DGKB: variants seen among roughly 807,000 people sequenced by gnomAD.
The protein encoded by DGKB is diacylglycerol kinase beta.
Under a neutral mutation model 114.3 loss-of-function variants are expected in DGKB, and 67 were observed. The ratio of observed to expected loss-of-function variants is 0.59; its 90% confidence interval spans 0.48 to 0.72. The LOEUF is 0.72. DGKB is among the 30% of genes least tolerant of loss of function. DGKB has a pLI of 0.00. For missense variants in DGKB, 907 were observed against 975.2 expected (o/e 0.93, Z 0.93); for synonymous variants, 398 against 323.1 (o/e 1.23, Z -2.49).
At chr7:14,160,350 T>A (rs574017812) in intron 25 of DGKB, among the ~76,000 whole-genome samples, 1 of 152,170 alleles carries the variant, frequency 6.6e-6, no homozygotes, top group South Asian at 2.1e-4. Context: ...TGTTTGCAGA[T>A]GACATGATTG....
At chr7:14,923,983 C>CAAAAACAAAAAAA (rs1784629918) in intron 1 of DGKB, among the ~76,000 whole-genome samples, 1 of 76,188 alleles carries the variant, frequency 1.3e-5, no homozygotes, top group Non-Finnish European at 2.3e-5. Flanking sequence ...AGCTCCATCT[C>CAAAAACAAAAAAA]AAAAAAAAAA....
intron 21 of DGKB, among the ~76,000 whole-genome samples, chr7:14,414,061 C>A (rs529456608): frequency 1.2e-4 from 19 of 152,006 alleles, no homozygotes; most frequent in African/African-American, 4.6e-4. Flanking sequence ...TGATATTATA[C>A]AGATAATTCA....
chr7:14,921,223 T>C (rs983559157), intron 1 of DGKB, among the ~76,000 whole-genome samples: 6 of 152,184 alleles, frequency 3.9e-5, no homozygotes, highest in Non-Finnish European at 8.8e-5. Flanking sequence ...AAAACTATTC[T>C]ACATGAAACT....
intron 23 of DGKB, among the ~76,000 whole-genome samples, chr7:14,196,905 A>G (rs1055909412): frequency 3.7e-4 from 57 of 152,222 alleles, no homozygotes; most frequent in African/African-American, 1.2e-3. Flanking sequence ...GTGTTATTTT[A>G]TCTTTACAAA....
At chr7:14,511,272 A>G (rs1787939935) in intron 20 of DGKB, among the ~76,000 whole-genome samples, 1 of 152,178 alleles carries the variant, frequency 6.6e-6, no homozygotes, top group Non-Finnish European at 1.5e-5. Flanking sequence ...ACCTTCATCA[A>G]TTTAGCTAAA....
intron 13 of DGKB, among the ~76,000 whole-genome samples, chr7:14,672,174 T>C (rs910795173): frequency 6.6e-6 from 1 of 152,134 alleles, no homozygotes; most frequent in African/African-American, 2.4e-5. Context: ...ATTTCTTAGT[T>C]GTTATAATTT....
At chr7:14,942,636 C>A (rs896078882) in intron 1 of DGKB, among the ~76,000 whole-genome samples, 1 of 151,862 alleles carries the variant, frequency 6.6e-6, no homozygotes, top group Non-Finnish European at 1.5e-5. Context: ...TAAAGCGCTC[C>A]GGCTCACTTC....
At chr7:14,910,524 T>C (rs541764648) in intron 1 of DGKB, among the ~76,000 whole-genome samples, 1 of 152,248 alleles carries the variant, frequency 6.6e-6, no homozygotes, top group African/African-American at 2.4e-5. Context: ...AAAATACTTT[T>C]ATGTTAGGAT....
rs74652876 is a variant in DGKB, at chr7:14,896,109, A to T, written c.-188+6483T>A. ...TCTAGAAACTAATAGGTTTCCTCAC[A>T]TCAGAGATCATATTTCCCCAACATG... On this transcript the variant is annotated intron_variant, in intron 1 of 25. Coordinates refer to ENST00000402815, the MANE Select transcript of DGKB (RefSeq NM_001350709.2). Among the ~76,000 whole-genome samples, 1,201 of 151,832 alleles carry T rather than the reference A, an allele frequency of 7.9e-3. 13 individuals are homozygous for T. Among genetic ancestry groups the T allele is most frequent in the African/African-American group, 0.027 (1,141 of 41,508 alleles).
chr7:14,392,989 G>GTTTTTTTTTTTTTTTTTTTTTTTTTTT (rs776845811), intron 21 of DGKB, among the ~76,000 whole-genome samples: 3 of 10,182 alleles, frequency 2.9e-4, no homozygotes, highest in South Asian at 2.1e-3. Flanking sequence ...CCTGTTTTTT[G>GTTTTTTTTTTTTTTTTTTTTTTTTTTT]TTTTTGTTTT....
chr7:14,788,034 C>T (rs910065867), intron 2 of DGKB, among the ~76,000 whole-genome samples: 5 of 152,232 alleles, frequency 3.3e-5, no homozygotes, highest in Non-Finnish European at 5.9e-5. Flanking sequence ...AGAGTAAAGA[C>T]AAGGCCCGGG....
chr7:14,946,776 C>G (rs1000783437), intron 1 of DGKB, among the ~76,000 whole-genome samples: 3 of 151,766 alleles, frequency 2.0e-5, no homozygotes, highest in Non-Finnish European at 4.4e-5. Flanking sequence ...GCTCATTTCT[C>G]AATATTATTT....
At chr7:14,285,486 A>T (rs1381873779) in intron 23 of DGKB, among the ~76,000 whole-genome samples, 1 of 152,182 alleles carries the variant, frequency 6.6e-6, no homozygotes, top group African/African-American at 2.4e-5. Context: ...AGTGAAGACA[A>T]AAAAGCCTAA....
chr7:14,235,571 G>C (rs1035834325), intron 23 of DGKB, among the ~76,000 whole-genome samples: 4 of 151,980 alleles, frequency 2.6e-5, no homozygotes, highest in African/African-American at 9.7e-5. Context: ...GGCTCATGTA[G>C]TTTTGTAAAT....
At chr7:14,502,289 G>C (rs565075712) in intron 20 of DGKB, among the ~76,000 whole-genome samples, 1 of 151,994 alleles carries the variant, frequency 6.6e-6, no homozygotes, top group Non-Finnish European at 1.5e-5. Flanking sequence ...TGGAGAGAGA[G>C]AAGTCAGGTA....
chr7:14,668,597 TTG>T (rs1818447112), intron 13 of DGKB, among the ~76,000 whole-genome samples: 2 of 152,138 alleles, frequency 1.3e-5, no homozygotes, highest in African/African-American at 4.8e-5. Flanking sequence ...AATTTATATA[TTG>T]TGTTACTTAT....
chr7:14,825,447 G>A (rs796849458), intron 2 of DGKB, among the ~76,000 whole-genome samples: 3 of 152,240 alleles, frequency 2.0e-5, no homozygotes, highest in African/African-American at 7.2e-5. Context: ...GGGATGATGG[G>A]AGACAGTGAC....
intron 23 of DGKB, among the ~76,000 whole-genome samples, chr7:14,189,913 C>A (rs35221866): frequency 6.6e-6 from 1 of 151,802 alleles, no homozygotes; most frequent in Non-Finnish European, 1.5e-5. Flanking sequence ...ATAGAGCAAC[C>A]GTTATTAGAT....
intron 2 of DGKB, among the ~76,000 whole-genome samples, chr7:14,773,979 G>T (rs925683692): frequency 2.0e-5 from 3 of 152,074 alleles, no homozygotes; most frequent in Non-Finnish European, 4.4e-5. Flanking sequence ...TTTGCAAATG[G>T]ACTTAAATTA....
Sources: gnomAD v4.1 joint callset for allele counts (sites outside exome capture counted in the v4.1 genomes callset) on GRCh38, gnomAD v4.1.1 for gene constraint, MANE v1.5 for transcripts, NCBI Gene and HGNC (gene_info 2026-07-23, HGNC 2026-07-21) for gene names.